Variants in ASTN1 observed in about 807,000 individuals in gnomAD.
ASTN1 encodes the protein astrotactin 1, also known as astrotactin-1.
ASTN1 carries 41 observed loss-of-function variants against 140.7 expected under a neutral mutation model. That is an observed-to-expected ratio of 0.29 (90% CI 0.23 to 0.38). The LOEUF (loss-of-function observed/expected upper bound fraction) is 0.38. ASTN1 is among the 10% of genes least tolerant of loss of function. The probability of loss-of-function intolerance (pLI) is 1.00; values close to 1 mark genes in which losing one functional copy is unlikely to be tolerated. For synonymous variants in ASTN1, 640 were observed against 652.2 expected, an observed-to-expected ratio of 0.98 and a Z score of 0.29; for missense variants, 1,479 against 1,678.8, an observed-to-expected ratio of 0.88 and a Z score of 2.08.
chr1:177,123,739 C>T (rs894751363), intron 1 of ASTN1, among the ~76,000 whole-genome samples: 2 of 152,146 alleles, frequency 1.3e-5, no homozygotes, highest in Non-Finnish European at 2.9e-5. Flanking sequence ...CTGCAAACTG[C>T]CTCTTTCCCA....
intron 16 of ASTN1, among the ~76,000 whole-genome samples, chr1:176,898,667 T>C (rs1363349812): frequency 6.6e-6 from 1 of 152,132 alleles, no homozygotes; most frequent in Non-Finnish European, 1.5e-5. Context: ...TAACTCCTCC[T>C]GTGTGGGAGT....
intron 20 of ASTN1, among the ~76,000 whole-genome samples, chr1:176,878,668 C>T (rs955992383): frequency 3.3e-5 from 5 of 152,078 alleles, no homozygotes; most frequent in South Asian, 4.1e-4. Context: ...ACAATCCAGT[C>T]CCAGGTCAGC....
At chr1:177,126,511 G>A (rs540673475) in intron 1 of ASTN1, among the ~76,000 whole-genome samples, 6 of 152,298 alleles carry the variant, frequency 3.9e-5, no homozygotes, top group Non-Finnish European at 7.3e-5. Flanking sequence ...AGTAGCACAG[G>A]AGAGTTAATA....
At chr1:176,887,958 G>A in intron 18 of ASTN1, 113 bp downstream of exon 18, 3 of 1,434,510 alleles carry the variant, frequency 2.1e-6, no homozygotes. Context: ...CTAAAGGCAG[G>A]TATTGTGTCA....
chr1:176,860,469 A>G (rs1667928431), downstream of ASTN1, among the ~76,000 whole-genome samples: 1 of 152,246 alleles, frequency 6.6e-6, no homozygotes, highest in Non-Finnish European at 1.5e-5. Flanking sequence ...GATAATCTCT[A>G]TTTAAAGTGG....
intron 1 of ASTN1, among the ~76,000 whole-genome samples, chr1:177,119,172 A>T (rs1470908662): frequency 6.6e-6 from 1 of 152,126 alleles, no homozygotes; most frequent in Non-Finnish European, 1.5e-5. Context: ...GGCTGTGTGT[A>T]TTCCCCCACA....
chr1:177,096,420 A>G (rs921729089), intron 1 of ASTN1, among the ~76,000 whole-genome samples: 4 of 152,134 alleles, frequency 2.6e-5, no homozygotes, highest in African/African-American at 9.7e-5. Context: ...CCCAATCATT[A>G]ATGTGATGGT....
intron 16 of ASTN1, among the ~76,000 whole-genome samples, chr1:176,927,118 T>G (rs913488778): frequency 1.3e-5 from 2 of 152,246 alleles, no homozygotes; most frequent in Non-Finnish European, 2.9e-5. Context: ...GCTTAGAGCC[T>G]GAGCGTCACC....
chr1:177,095,515 T>C (rs1183304176), intron 1 of ASTN1, among the ~76,000 whole-genome samples: 8 of 152,294 alleles, frequency 5.3e-5, no homozygotes, highest in South Asian at 2.1e-4. Context: ...AGCTGCCCTA[T>C]GTGTGGCTGC....
In ASTN1 at chr1:176,864,318, G is replaced by A. The variant is rs200271835; in HGVS notation, c.3851C>T (p.Pro1284Leu). The A allele has an allele frequency of 2.2e-5, 36 of 1,614,038 alleles. No individual in the cohort carries two copies. Among genetic ancestry groups the A allele is most frequent in the Admixed American group, 8.3e-5 (5 of 60,028 alleles). ...TTTGCTGTCCCCATAGTCGTTGTAG[G>A]GGATACTCAGGGTCTGCTCCTCACA... ...KTCEEQTLSIPYNDYGDSKEI is the reference protein window; with the variant it reads ...KTCEEQTLSILYNDYGDSKEI The change falls in exon 23 of 23, where the codon CCC becomes CTC. Residue 1284 changes from proline (P) to leucine (L), a missense_variant. Pro to Leu is a moderately conservative substitution (Grantham distance 98). Coordinates refer to ENST00000361833, the MANE Select transcript of ASTN1 (RefSeq NM_004319.3).
chr1:176,883,396 A>G (rs1668892122), intron 19 of ASTN1, among the ~76,000 whole-genome samples: 1 of 152,020 alleles, frequency 6.6e-6, no homozygotes. Flanking sequence ...GGGTTTCACC[A>G]TGTTGGTCAG....
chr1:177,052,994 T>C (rs1677614712), intron 2 of ASTN1, among the ~76,000 whole-genome samples: 1 of 152,212 alleles, frequency 6.6e-6, no homozygotes, highest in Non-Finnish European at 1.5e-5. Context: ...ATCTGAAAGA[T>C]GGAAGAAATG....
chr1:176,884,453 G>C lies in ASTN1; in HGVS notation c.3112C>G (p.Leu1038Val). The C allele has an allele frequency of 6.2e-7, 1 of 1,613,934 alleles. No homozygotes were observed. Among genetic ancestry groups the C allele is most frequent in the Non-Finnish European group, 8.5e-7 (1 of 1,179,886 alleles). Residue 1038 changes from leucine to valine, a missense_variant, in exon 19 of 23, where the codon CTT (leucine) becomes GTT (valine). By Grantham distance (32) the Leu-to-Val change is conservative. This residue lies in a region of ASTN1 where 746 missense variants were observed against 800.9 expected (regional missense o/e 0.93). Coordinates refer to ENST00000361833, the MANE Select transcript of ASTN1 (RefSeq NM_004319.3). ...GAGTGTTCCCACTCCAGGACCACAA[G>C]AGTGCTGCTGGGCTCGTGAACCGTG... ...LSTVHEPSST[L>V]VVLEWEHSEP...
chr1:177,154,562 A>G (rs546464060), intron 1 of ASTN1, among the ~76,000 whole-genome samples: 1 of 152,230 alleles, frequency 6.6e-6, no homozygotes, highest in African/African-American at 2.4e-5. Context: ...TTAAAAATAT[A>G]GTGCTGAGTG....
intron 1 of ASTN1, among the ~76,000 whole-genome samples, chr1:177,110,057 T>C (rs913259233): frequency 6.6e-5 from 10 of 152,224 alleles, no homozygotes; most frequent in Non-Finnish European, 1.2e-4. Flanking sequence ...TTTCCCTACC[T>C]TATTTATCTA....
intron 8 of ASTN1, among the ~76,000 whole-genome samples, chr1:176,973,820 C>G (rs78437925): frequency 2.1e-3 from 320 of 152,304 alleles, no homozygotes; most frequent in African/African-American, 7.5e-3. Flanking sequence ...CCACTCCTGA[C>G]TAGAGTGCTG....
intron 16 of ASTN1, among the ~76,000 whole-genome samples, chr1:176,922,721 A>G (rs1224575390): frequency 6.6e-6 from 1 of 152,138 alleles, no homozygotes; most frequent in Non-Finnish European, 1.5e-5. Context: ...CTGCTGTTCC[A>G]CTAACCACAA....
intron 8 of ASTN1, among the ~76,000 whole-genome samples, chr1:176,968,286 CA>C (rs1234064815): frequency 6.6e-6 from 1 of 152,232 alleles, no homozygotes; most frequent in Non-Finnish European, 1.5e-5. Flanking sequence ...TTAAATTGAT[CA>C]ATTACATGCA....
chr1:176,907,970 C>T (rs1481540929), intron 16 of ASTN1, among the ~76,000 whole-genome samples: 4 of 152,268 alleles, frequency 2.6e-5, no homozygotes, highest in Non-Finnish European at 4.4e-5. Flanking sequence ...AGCATAACTG[C>T]GTGGTCCCTT....
Sources: gnomAD v4.1 joint callset for allele counts (sites outside exome capture counted in the v4.1 genomes callset) on GRCh38, gnomAD v4.1.1 for gene constraint, gnomAD v4.1.1 regional missense constraint, MANE v1.5 for transcripts, NCBI Gene and HGNC (gene_info 2026-07-23, HGNC 2026-07-21) for gene names.